NHERF1: variants seen among roughly 807,000 people sequenced by gnomAD.
NHERF1 encodes the protein NHERF family PDZ scaffold protein 1.
At chr17:74,763,760 G>C in the NHERF1 span, among the ~76,000 whole-genome samples, 2 of 152,340 alleles carry the variant, frequency 1.3e-5, no homozygotes, top group South Asian at 4.1e-4. Context: ...CATGAGGTCG[G>C]TGAGAGAGAT....
the NHERF1 span, chr17:74,763,596 G>A: frequency 3.4e-6 from 5 of 1,468,550 alleles, no homozygotes; most frequent in Non-Finnish European, 3.7e-6. Context: ...GGCTAAGACT[G>A]CTGGGTCCCA....
the NHERF1 span, among the ~76,000 whole-genome samples, chr17:74,758,379 G>C: frequency 6.6e-6 from 1 of 152,200 alleles, no homozygotes; most frequent in African/African-American, 2.4e-5. The surrounding 1 kb of genome is among the most constrained non-coding windows in gnomAD (Gnocchi z 4.3). Flanking sequence ...TCCGGGCAGG[G>C]TCTTTTCTGG....
At chr17:74,757,541 C>T in the NHERF1 span, among the ~76,000 whole-genome samples, 1 of 152,088 alleles carries the variant, frequency 6.6e-6, no homozygotes, top group Non-Finnish European at 1.5e-5. Context: ...TGGACACTGG[C>T]TGAGTGCCTG....
chr17:74,756,164 G>T, the NHERF1 span, among the ~76,000 whole-genome samples: 1 of 151,276 alleles, frequency 6.6e-6, no homozygotes, highest in Non-Finnish European at 1.5e-5. Flanking sequence ...GACCAGGCTG[G>T]TCTCAAACTC....
chr17:74,757,821 G>A, the NHERF1 span, among the ~76,000 whole-genome samples: 1 of 152,234 alleles, frequency 6.6e-6, no homozygotes, highest in Non-Finnish European at 1.5e-5. Context: ...TGTTGGGGCT[G>A]ATTTTCCTGT....
chr17:74,750,366 TCTCC>T, the NHERF1 span, among the ~76,000 whole-genome samples: 1 of 152,044 alleles, frequency 6.6e-6, no homozygotes, highest in African/African-American at 2.4e-5. Context: ...CACCACCAGC[TCTCC>T]CTGGTGGCAG....
chr17:74,765,533 C>T, the NHERF1 span, among the ~76,000 whole-genome samples: 1 of 149,444 alleles, frequency 6.7e-6, no homozygotes, highest in Non-Finnish European at 1.5e-5. Context: ...ACTGCGATTA[C>T]AAGTGTGAGC....
At chr17:74,768,371 G>C in the NHERF1 span, 2 of 1,475,688 alleles carry the variant, frequency 1.4e-6, no homozygotes, top group Middle Eastern at 1.9e-4. Flanking sequence ...TGGCTTCCCT[G>C]GGCACGGCCC....
the NHERF1 span, among the ~76,000 whole-genome samples, chr17:74,759,970 A>T: frequency 6.6e-6 from 1 of 152,208 alleles, no homozygotes; most frequent in South Asian, 2.1e-4. Flanking sequence ...GGGACGGTGG[A>T]GGGAGGTTGG....
the NHERF1 span, chr17:74,749,001 G>A: frequency 1.9e-6 from 3 of 1,609,478 alleles, no homozygotes; most frequent in East Asian, 2.2e-5. The surrounding 1 kb of genome is among the most constrained non-coding windows in gnomAD (Gnocchi z 5.6). Flanking sequence ...GAGAAGGCGG[G>A]GCTGCTGGCG....
chr17:74,768,017 G>T, the NHERF1 span: 2 of 782,768 alleles, frequency 2.6e-6, no homozygotes, highest in South Asian at 1.4e-5. Flanking sequence ...TGGGAACCAG[G>T]GGTGGGTGGC....
chr17:74,759,053 C>T, the NHERF1 span, among the ~76,000 whole-genome samples: 1 of 152,152 alleles, frequency 6.6e-6, no homozygotes, highest in Non-Finnish European at 1.5e-5. Flanking sequence ...GGCTGGTCTC[C>T]CTTGAAGAGT....
At chr17:74,751,031 C>T in the NHERF1 span, among the ~76,000 whole-genome samples, 1 of 152,174 alleles carries the variant, frequency 6.6e-6, no homozygotes, top group Admixed American at 6.5e-5. This position sits in a 1 kb window ranked among gnomAD's most constrained non-coding sequence, Gnocchi z 4.3. Context: ...ACACCATCAC[C>T]AGCCAAGTCC....
chr17:74,749,388 T>C, the NHERF1 span: 3 of 1,188,506 alleles, frequency 2.5e-6, no homozygotes, highest in Non-Finnish European at 3.4e-6. The surrounding 1 kb of genome is among the most constrained non-coding windows in gnomAD (Gnocchi z 5.6). Context: ...CCGTCGTTTT[T>C]CTGAAACTCG....
the NHERF1 span, chr17:74,767,041 T>C: frequency 6.7e-7 from 1 of 1,495,922 alleles, no homozygotes. Flanking sequence ...GATCAGAAGG[T>C]GCTGTGGTTG....
the NHERF1 span, among the ~76,000 whole-genome samples, chr17:74,766,012 T>C: frequency 6.6e-6 from 1 of 152,152 alleles, no homozygotes; most frequent in Admixed American, 6.5e-5. Flanking sequence ...ATCTGTACTT[T>C]AACAAGCTTC....
the NHERF1 span, among the ~76,000 whole-genome samples, chr17:74,764,929 GGGA>G: frequency 1.3e-5 from 2 of 152,230 alleles, no homozygotes; most frequent in Admixed American, 6.5e-5. The surrounding 1 kb of genome is among the most constrained non-coding windows in gnomAD (Gnocchi z 4.9). Context: ...GGTGTCAAAA[GGGA>G]GGAGAAGATG....
the NHERF1 span, among the ~76,000 whole-genome samples, chr17:74,751,895 G>T: frequency 1.2e-3 from 178 of 152,350 alleles, no homozygotes; most frequent in African/African-American, 4.1e-3. This position sits in a 1 kb window ranked among gnomAD's most constrained non-coding sequence, Gnocchi z 4.3. Context: ...TAAGTTGGGG[G>T]TTATGGCAGC....
the NHERF1 span, chr17:74,766,954 T>C: frequency 6.2e-7 from 1 of 1,614,052 alleles, no homozygotes; most frequent in Non-Finnish European, 8.5e-7. Context: ...CCTGTGCCCT[T>C]CACCAATGGG....
Sources: allele counts gnomAD v4.1 joint callset (sites outside exome capture counted in the v4.1 genomes callset), GRCh38; gene constraint gnomAD v4.1.1; non-coding constraint Gnocchi (gnomAD v3.1); transcripts MANE v1.5; gene names NCBI Gene and HGNC (gene_info 2026-07-23, HGNC 2026-07-21).